Variants in MTAP observed in about 807,000 individuals in gnomAD.
The protein encoded by MTAP is methylthioadenosine phosphorylase.
In MTAP, 33 loss-of-function variants were observed where a neutral mutation model predicts 33.6. The ratio of observed to expected loss-of-function variants is 0.98; its 90% CI spans 0.74 to 1.31. The LOEUF is 1.31. Ranked by LOEUF, MTAP falls within the 40% of genes most tolerant of loss-of-function variation. The pLI is 0.00. For missense variants in MTAP, 367 were observed against 360.0 expected (o/e 1.02, Z -0.16); for synonymous variants, 148 against 125.7 (o/e 1.18, Z -1.19).
At chr9:21,848,889 C>T (rs1382801048) in intron 5 of MTAP, among the ~76,000 whole-genome samples, 3 of 152,102 alleles carry the variant, frequency 2.0e-5, no homozygotes, top group Admixed American at 2.0e-4. Flanking sequence ...CTGTCAAAGG[C>T]AAGGTGGGCA....
chr9:21,803,587 T>G (rs147423994), intron 1 of MTAP, among the ~76,000 whole-genome samples: 1 of 152,308 alleles, frequency 6.6e-6, no homozygotes, highest in Non-Finnish European at 1.5e-5. Flanking sequence ...GCACGAGTTC[T>G]GAGAGTAGCA....
In MTAP at chr9:21,863,622, C is replaced by CA. The variant is rs11358276; in HGVS notation, c.*1622dup. On this transcript the variant is annotated 3_prime_UTR_variant, in exon 8 of 8. Transcript: ENST00000644715. ...TGGGCAACAGAGTAAGACTCAGTCT[C>CA]AAAAAAAAAAAAAAGAGTGAAATGC... The CA allele has an allele frequency of 0.045, 37,864 of 836,422 alleles. 1 individual carries two copies. Among genetic ancestry groups the CA allele is most frequent in the Non-Finnish European group, 0.05 (35,256 of 699,406 alleles). 51.8% of individuals were successfully genotyped at this position (836,422 alleles called of 1,614,324 possible).
chr9:21,852,126 A>G (rs186224285), intron 5 of MTAP, among the ~76,000 whole-genome samples: 123 of 152,342 alleles, frequency 8.1e-4, no homozygotes, highest in African/African-American at 2.8e-3. Flanking sequence ...CATTATTCTC[A>G]GTGAAGTAAC....
intron 4 of MTAP, among the ~76,000 whole-genome samples, chr9:21,826,841 G>A (rs10811625): frequency 0.32 from 48,322 of 151,730 alleles, 9,196 homozygotes; most frequent in East Asian, 0.44. Flanking sequence ...AAGGTGAGCC[G>A]TGGGGCGAGA....
At chr9:21,817,586 TG>T (rs1018893366) in intron 3 of MTAP, among the ~76,000 whole-genome samples, 16 of 152,054 alleles carry the variant, frequency 1.1e-4, no homozygotes, top group African/African-American at 3.9e-4. Context: ...GACTGCAGCT[TG>T]CTTCTTGCTA....
At chr9:21,857,574 TC>T (rs1300743498) in intron 6 of MTAP, among the ~76,000 whole-genome samples, 21 of 152,222 alleles carry the variant, frequency 1.4e-4, no homozygotes, top group African/African-American at 4.8e-4. Flanking sequence ...TTCAACTTTT[TC>T]TTATGAAGCT....
chr9:21,818,598 T>C (rs759806629), intron 4 of MTAP, among the ~76,000 whole-genome samples: 1 of 152,202 alleles, frequency 6.6e-6, no homozygotes, highest in Non-Finnish European at 1.5e-5. Flanking sequence ...GTGCTGGGAT[T>C]ACAGGCGTGA....
intron 3 of MTAP, 56 bp downstream of exon 3, chr9:21,816,828 T>G: frequency 1.4e-6 from 2 of 1,464,490 alleles, no homozygotes; most frequent in Non-Finnish European, 1.9e-6. Context: ...TAAATTTAAC[T>G]TAAATTCTGG....
At chr9:21,895,682 G>T (rs1444398118) in intron 1 of MTAP, among the ~76,000 whole-genome samples, 1 of 152,188 alleles carries the variant, frequency 6.6e-6, no homozygotes, top group African/African-American at 2.4e-5. Context: ...TAGCTCAGAG[G>T]GTCCCACACC....
chr9:21,882,774 T>C (rs547753338), intron 1 of MTAP, among the ~76,000 whole-genome samples: 1 of 152,150 alleles, frequency 6.6e-6, no homozygotes, highest in Non-Finnish European at 1.5e-5. Flanking sequence ...TGGGTTTTTA[T>C]CTAATCACAA....
intron 1 of MTAP, among the ~76,000 whole-genome samples, chr9:21,873,355 GTCC>G (rs1300797523): frequency 6.6e-6 from 1 of 152,226 alleles, no homozygotes; most frequent in East Asian, 1.9e-4. Flanking sequence ...GAATTTCTGT[GTCC>G]TCCTAAAATC....
intron 1 of MTAP, among the ~76,000 whole-genome samples, chr9:21,883,360 AAATT>A (rs780797507): frequency 7.9e-5 from 12 of 152,112 alleles, no homozygotes; most frequent in Non-Finnish European, 1.2e-4. Context: ...GTTGAACAAA[AAATT>A]AAGTATGACA....
intron 4 of MTAP, among the ~76,000 whole-genome samples, chr9:21,834,915 T>G (rs1014520620): frequency 6.6e-6 from 1 of 152,194 alleles, no homozygotes. Flanking sequence ...TGGAGGTTTT[T>G]GCAGCCTTGT....
intron 5 of MTAP, among the ~76,000 whole-genome samples, chr9:21,839,439 A>T (rs1825190178): frequency 6.6e-6 from 1 of 152,158 alleles, no homozygotes; most frequent in Admixed American, 6.5e-5. Flanking sequence ...TCTCAGGCAA[A>T]ATACAGTGAC....
At chr9:21,818,317 CTTTTTTTTTTTTTTTTTT>C (rs35709813) in intron 4 of MTAP, 115 bp downstream of exon 4, 9 of 240,902 alleles carry the variant, frequency 3.7e-5, no homozygotes, top group Non-Finnish European at 5.0e-5. Flanking sequence ...GACTCGCTTG[CTTTTTTTTTTTTTTTTTT>C]TTTTTTTTTG....
chr9:21,803,036 A>ACACACACACACACACACCCC, intron 1 of MTAP: 1 of 1,038,742 alleles, frequency 9.6e-7, no homozygotes, highest in Non-Finnish European at 1.3e-6. Context: ...ACACACACAC[A>ACACACACACACACACACCCC]CCACCTTTTG....
At chr9:21,919,535 A>C (rs1818752120) in intron 1 of MTAP, among the ~76,000 whole-genome samples, 1 of 152,348 alleles carries the variant, frequency 6.6e-6, no homozygotes, top group Non-Finnish European at 1.5e-5. Context: ...TGGACTAGCA[A>C]GAGAGTTGGA....
chr9:21,834,379 A>G (rs1294128976), intron 4 of MTAP, among the ~76,000 whole-genome samples: 1 of 152,224 alleles, frequency 6.6e-6, no homozygotes. Flanking sequence ...TGGGGAGATA[A>G]AAATTAGTCC....
At chr9:21,814,458 A>G (rs963242750) in intron 1 of MTAP, among the ~76,000 whole-genome samples, 2 of 152,228 alleles carry the variant, frequency 1.3e-5, no homozygotes, top group African/African-American at 2.4e-5. Flanking sequence ...TAGGTTTCTA[A>G]TAAAGTTAGC....
Sources: allele counts gnomAD v4.1 joint callset (sites outside exome capture counted in the v4.1 genomes callset), GRCh38; gene constraint gnomAD v4.1.1; transcripts MANE v1.5; gene names NCBI Gene and HGNC (gene_info 2026-07-23, HGNC 2026-07-21).